Variants in TBC1D5 observed in about 807,000 individuals in gnomAD.
TBC1D5 encodes TBC1 domain family, member 5.
Under a neutral mutation model 100.3 loss-of-function variants are expected in TBC1D5, and 75 were observed. The observed-to-expected ratio is 0.75, with a 90% confidence interval of 0.62 to 0.91. The LOEUF (loss-of-function observed/expected upper bound fraction) is 0.91, where lower values mean the gene tolerates loss of function less well. TBC1D5 is among the 40% of genes least tolerant of loss of function. The pLI is 0.00. For missense variants in TBC1D5, 910 were observed against 942.4 expected, an observed-to-expected ratio of 0.97 and a Z score of 0.45; for synonymous variants, 323 against 325.6, an observed-to-expected ratio of 0.99 and a Z score of 0.09.
chr3:17,409,394 C>T (rs1000011848), intron 4 of TBC1D5, among the ~76,000 whole-genome samples: 9 of 152,022 alleles, frequency 5.9e-5, no homozygotes, highest in African/African-American at 1.9e-4. Flanking sequence ...TGTCTCTCTC[C>T]CTCTCCTTGG....
chr3:17,559,346 G>A (rs1243618882), intron 2 of TBC1D5, among the ~76,000 whole-genome samples: 1 of 151,790 alleles, frequency 6.6e-6, no homozygotes, highest in Non-Finnish European at 1.5e-5. Flanking sequence ...TCACCATGTT[G>A]GCCAGGCTGG....
At chr3:17,255,920 C>CA (rs2077615192) in intron 16 of TBC1D5, among the ~76,000 whole-genome samples, 1 of 152,072 alleles carries the variant, frequency 6.6e-6, no homozygotes, top group African/African-American at 2.4e-5. Flanking sequence ...CCTGTAGTCC[C>CA]AGCTACTTGG....
At chr3:17,732,253 G>A (rs777050564) in intron 1 of TBC1D5, among the ~76,000 whole-genome samples, 8 of 151,392 alleles carry the variant, frequency 5.3e-5, no homozygotes, top group Non-Finnish European at 1.0e-4. Context: ...ATGAGGCAGA[G>A]ATTGCAGTGA....
At chr3:17,633,668 T>C (rs909441711) in intron 1 of TBC1D5, among the ~76,000 whole-genome samples, 23 of 152,314 alleles carry the variant, frequency 1.5e-4, no homozygotes, top group Non-Finnish European at 8.8e-5. Flanking sequence ...TAAGAGAGTG[T>C]AGAATAATAT....
intron 13 of TBC1D5, among the ~76,000 whole-genome samples, chr3:17,366,780 A>G (rs1191716000): frequency 2.6e-5 from 4 of 152,180 alleles, no homozygotes; most frequent in Non-Finnish European, 5.9e-5. Context: ...GGCATTCAAC[A>G]TAATTATACT....
intron 1 of TBC1D5, among the ~76,000 whole-genome samples, chr3:17,705,743 A>G (rs1201943607): frequency 7.4e-6 from 1 of 134,632 alleles, no homozygotes. Flanking sequence ...GGCCGGGCGG[A>G]GACGCTCCTC....
intron 21 of TBC1D5, among the ~76,000 whole-genome samples, chr3:17,163,344 A>G (rs2066276036): frequency 1.3e-5 from 2 of 151,496 alleles, no homozygotes; most frequent in South Asian, 2.1e-4. Context: ...GTCACAAGGC[A>G]CAACAAAAGA....
At chr3:17,486,050 G>T (rs1175560663) in intron 3 of TBC1D5, among the ~76,000 whole-genome samples, 2 of 151,790 alleles carry the variant, frequency 1.3e-5, no homozygotes, top group African/African-American at 4.8e-5. Flanking sequence ...GGTGTGAGAT[G>T]GTATCTCATT....
chr3:17,339,111 G>A (rs1407772846), intron 13 of TBC1D5, among the ~76,000 whole-genome samples: 1 of 152,180 alleles, frequency 6.6e-6, no homozygotes, highest in Non-Finnish European at 1.5e-5. Flanking sequence ...TGCAATTGTG[G>A]TTGTCTGAGG....
chr3:17,383,068 T>C (rs1271968800), intron 9 of TBC1D5, among the ~76,000 whole-genome samples: 3 of 151,998 alleles, frequency 2.0e-5, no homozygotes, highest in Non-Finnish European at 2.9e-5. Flanking sequence ...TATACAATAA[T>C]TAAAAATGTA....
At chr3:17,705,005 A>G (rs1277030008) in intron 1 of TBC1D5, among the ~76,000 whole-genome samples, 4 of 85,778 alleles carry the variant, frequency 4.7e-5, no homozygotes, top group Non-Finnish European at 5.0e-5. Context: ...CGGAGGGCTG[A>G]CCCCCCCACC....
intron 2 of TBC1D5, among the ~76,000 whole-genome samples, chr3:17,532,517 C>T (rs2153387064): frequency 6.6e-6 from 1 of 152,242 alleles, no homozygotes; most frequent in East Asian, 1.9e-4. Context: ...AATCATGCTG[C>T]TATAAAGACA....
chr3:17,483,893 C>A (rs948034963), intron 3 of TBC1D5, among the ~76,000 whole-genome samples: 2 of 152,062 alleles, frequency 1.3e-5, no homozygotes, highest in Non-Finnish European at 2.9e-5. Context: ...GTCTATTGAA[C>A]AGTTTGGCCC....
At chr3:17,719,840 C>T (rs1353361150) in intron 1 of TBC1D5, among the ~76,000 whole-genome samples, 1 of 151,976 alleles carries the variant, frequency 6.6e-6, no homozygotes, top group African/African-American at 2.4e-5. Context: ...CAAATGTAAA[C>T]AAGAAAATAA....
intron 1 of TBC1D5, among the ~76,000 whole-genome samples, chr3:17,636,788 G>A (rs930329835): frequency 1.3e-4 from 20 of 151,366 alleles, no homozygotes; most frequent in East Asian, 1.2e-3. Flanking sequence ...GAGACAGAGC[G>A]AGACTCCGTC....
intron 1 of TBC1D5, among the ~76,000 whole-genome samples, chr3:17,661,816 T>A (rs2066685892): frequency 6.6e-6 from 1 of 151,954 alleles, no homozygotes; most frequent in Non-Finnish European, 1.5e-5. Flanking sequence ...CTTAAAAGTG[T>A]TTTTGGACAC....
rs116863880 is a variant in TBC1D5 at position 17,475,758 on chromosome 3, C to T, written c.97+32716G>A. Among the ~76,000 whole-genome samples, 157 of 152,194 alleles carry T rather than the reference C, an allele frequency of 1.0e-3. 2 individuals are homozygous for T. The South Asian group carries it at 0.018, about 18-fold the overall frequency. On this transcript the variant is annotated intron_variant, in intron 3 of 21. Transcript: ENST00000253692. ...TGTTATCATAAACAATGTTCTTACACACAATTCTTGATGCAGATATGCAAT... is the reference window on the plus strand; with the variant it reads ...TGTTATCATAAACAATGTTCTTACATACAATTCTTGATGCAGATATGCAAT...
chr3:17,525,912 T>C (rs552476462), intron 2 of TBC1D5, among the ~76,000 whole-genome samples: 2 of 152,212 alleles, frequency 1.3e-5, no homozygotes, highest in African/African-American at 4.8e-5. Flanking sequence ...TGAGTGAAAA[T>C]ATATCCGTCG....
At chr3:17,527,212 A>T (rs1176441018) in intron 2 of TBC1D5, among the ~76,000 whole-genome samples, 1 of 152,198 alleles carries the variant, frequency 6.6e-6, no homozygotes, top group Non-Finnish European at 1.5e-5. Flanking sequence ...CTTATTTGGG[A>T]GCTGGGAGCT....
Sources: allele counts gnomAD v4.1 joint callset (sites outside exome capture counted in the v4.1 genomes callset), GRCh38; gene constraint gnomAD v4.1.1; transcripts MANE v1.5; gene names NCBI Gene and HGNC (gene_info 2026-07-23, HGNC 2026-07-21).